The following CCNG2 variants were observed in gnomAD, a reference collection of about 807,000 sequenced individuals.
CCNG2 encodes cyclin-G2.
A neutral mutation model predicts 36.5 loss-of-function variants in CCNG2; 20 were observed. The ratio of observed to expected loss-of-function variants is 0.55; its 90% CI spans 0.39 to 0.80. The LOEUF (loss-of-function observed/expected upper bound fraction) is 0.80, where lower values mean the gene tolerates loss of function less well. Ranked by LOEUF, CCNG2 falls within the 30% of genes least tolerant of loss-of-function variation. The probability of loss-of-function intolerance (pLI) is 0.00; values close to 1 mark genes in which losing one functional copy is unlikely to be tolerated. For missense variants in CCNG2, 358 were observed against 390.8 expected, an observed-to-expected ratio of 0.92 and a Z score of 0.71; for synonymous variants, 155 against 140.1, an observed-to-expected ratio of 1.11 and a Z score of -0.75.
Position 77,169,472 on chromosome 4 carries a change from C to T in CCNG2, c.*3548C>T, listed in dbSNP as rs932591365. ...CCAGTCAGTCTTTCCATCCCTGTGCCTACATGCTGCTCTTCCCGTCCACAA... is the reference window on the plus strand; with the variant it reads ...CCAGTCAGTCTTTCCATCCCTGTGCTTACATGCTGCTCTTCCCGTCCACAA... On this transcript the variant is annotated 3_prime_UTR_variant, in exon 8 of 8. Transcript: ENST00000316355. 1.3e-5 allele frequency: 2 copies of T among 152,236 alleles called. No homozygotes were observed. The highest frequency in any genetic ancestry group is 3.8e-4 in the East Asian group (2 of 5,202). 9.4% of individuals were successfully genotyped at this position (152,236 alleles called of 1,614,324 possible).
At chr4:77,158,924 G>C (rs1014255425) in intron 2 of CCNG2, among the ~76,000 whole-genome samples, 1 of 152,188 alleles carries the variant, frequency 6.6e-6, no homozygotes, top group Non-Finnish European at 1.5e-5. Flanking sequence ...CCATACTCCA[G>C]CCTGCAGCTT....
chr4:77,160,980 G>C lies in CCNG2; in HGVS notation c.527+9G>C. On this transcript the variant is annotated intron_variant, in intron 4 of 7. Coordinates refer to ENST00000316355, the MANE Select transcript of CCNG2 (RefSeq NM_004354.3). Reference sequence around the variant, plus strand: ...TGTCATACTTCAGAAAGGTCAGTGGGATTAAAGATACATTTTGTACTTTGA... The same window carrying C: ...TGTCATACTTCAGAAAGGTCAGTGGCATTAAAGATACATTTTGTACTTTGA... The C allele has an allele frequency of 6.3e-7, 1 of 1,587,318 alleles. No individual in the cohort carries two copies.
At chr4:77,162,717 C>A (rs77407334) in intron 6 of CCNG2, among the ~76,000 whole-genome samples, 2 of 151,862 alleles carry the variant, frequency 1.3e-5, no homozygotes, top group African/African-American at 4.8e-5. Context: ...AGAAATAGGG[C>A]AGACTAGGAG....
chr4:77,164,593 G>A, intron 7 of CCNG2, 114 bp downstream of exon 7: 1 of 701,664 alleles, frequency 1.4e-6, no homozygotes, highest in Non-Finnish European at 2.4e-6. Flanking sequence ...TACACTAAGA[G>A]CTAAGAATTA....
At position 77,158,577 on chromosome 4, in the gene CCNG2, C is replaced by T. The variant is rs769323971; in HGVS notation, c.45C>T (p.Val15=). 1.9e-6 allele frequency: 3 copies of T among 1,614,108 alleles called. No homozygotes were observed. Among genetic ancestry groups the T allele is most frequent in the Non-Finnish European group, 2.5e-6 (3 of 1,180,000 alleles). ...AGCACTTGGCAGGTCATGAAGGGGT[C>T]CAACTTCTCGGGTTGTTGAACGTCT... ...GAEHLAGHEG[V]QLLGLLNVYL... Residue 15 remains valine (V), a synonymous_variant, in exon 2 of 8, where the codon GTC becomes GTT. Transcript: ENST00000316355.
chr4:77,165,033 CTGA>C (rs919601435), intron 7 of CCNG2: 1 of 152,348 alleles, frequency 6.6e-6, no homozygotes, highest in African/African-American at 2.4e-5. Flanking sequence ...ATCACCACCA[CTGA>C]TGGGGAAGAC....
rs996675843 is a variant in CCNG2 at position 77,169,975 on chromosome 4, A to G, written c.*4051A>G. The G allele has an allele frequency of 3.0e-4, 45 of 152,154 alleles. No individual in the cohort carries two copies. Among genetic ancestry groups the G allele is most frequent in the Admixed American group, 2.9e-3 (45 of 15,274 alleles). The allele number at this position is 152,154 out of a possible 1,614,324, so 9.4% of individuals were successfully genotyped here. A position where few individuals can be genotyped will look rare whatever the true frequency, so the allele number is the denominator to read the frequency against. ...TTACAGGTGATGTTTTTTTTAAGTT[A>G]TGCCTATCTGTAGTTTCCTTTTTTT... On this transcript the variant is annotated 3_prime_UTR_variant, in exon 8 of 8. Transcript: ENST00000316355.
chr4:77,158,738 C>T, intron 2 of CCNG2, 68 bp downstream of exon 2: 2 of 1,552,318 alleles, frequency 1.3e-6, no homozygotes, highest in Non-Finnish European at 8.8e-7. Flanking sequence ...CCCCCCCGCC[C>T]CCGTTGAATC....
Position 77,167,133 on chromosome 4 carries a change from C to G in CCNG2, c.*1209C>G, listed in dbSNP as rs916320282. 1 of 152,010 alleles carries G rather than the reference C, an allele frequency of 6.6e-6. No individual in the cohort carries two copies. Among genetic ancestry groups the G allele is most frequent in the Admixed American group, 6.6e-5 (1 of 15,262 alleles). The allele number at this position is 152,010 out of a possible 1,614,324, so 9.4% of individuals were successfully genotyped here. On this transcript the variant is annotated 3_prime_UTR_variant, in exon 8 of 8. Transcript: ENST00000316355. The stretch of plus-strand genomic sequence containing the variant: ...ACATTTTTACTGGTAAGTCAACATC[C>G]GTTGGATGTTTTCTGAAGTGGCTCT...
Position 77,168,400 on chromosome 4 carries a change from C to CTACA in CCNG2, c.*2479_*2482dup, listed in dbSNP as rs1731682877. ...TTACTCCTGGTCTCTGCCTTCCTAT[C>CTACA]TACATATCCTTTTAAAATAAAATTT... is the stretch of plus-strand genomic sequence containing the variant. On this transcript the variant is annotated 3_prime_UTR_variant, in exon 8 of 8. Coordinates refer to ENST00000316355, the MANE Select transcript of CCNG2 (RefSeq NM_004354.3). 1 of 152,182 alleles carries CTACA rather than the reference C, an allele frequency of 6.6e-6. No individual in the cohort carries two copies. Among genetic ancestry groups the CTACA allele is most frequent in the African/African-American group, 2.4e-5 (1 of 41,424 alleles). 9.4% of individuals were successfully genotyped at this position (152,182 alleles called of 1,614,324 possible).
rs1731367992 is a variant in CCNG2, at chr4:77,159,514, C to T, written c.276+10C>T. 5 of 1,607,926 alleles carry T rather than the reference C, an allele frequency of 3.1e-6. No individual in the cohort carries two copies. The East Asian group carries it at 1.1e-4, about 36-fold the overall frequency. ...CTTGGCTCTTATGAAGGTATTTCAT[C>T]ATTTTTATAAATATGTCTTCCTTTT... On this transcript the variant is annotated intron_variant, in intron 3 of 7. Coordinates refer to ENST00000316355, the MANE Select transcript of CCNG2 (RefSeq NM_004354.3).
chr4:77,166,837 T>C lies in CCNG2; in HGVS notation c.*913T>C, dbSNP rs917060582. 2 of 152,190 alleles carry C rather than the reference T, an allele frequency of 1.3e-5. No homozygotes were observed. Among genetic ancestry groups the C allele is most frequent in the Non-Finnish European group, 2.9e-5 (2 of 68,012 alleles). 9.4% of individuals were successfully genotyped at this position (152,190 alleles called of 1,614,324 possible). ...GTGTATTGCTATATGGGTGCCAAGA[T>C]TGAATATGAAGAACCCGAGTGTTTG... On this transcript the variant is annotated 3_prime_UTR_variant, in exon 8 of 8. Coordinates refer to ENST00000316355, the MANE Select transcript of CCNG2 (RefSeq NM_004354.3).
rs1731722604 is a variant in CCNG2 at position 77,169,840 on chromosome 4, AATT to A, written c.*3920_*3922del. The A allele has an allele frequency of 6.6e-6, 1 of 152,178 alleles. No individual in the cohort carries two copies. The highest frequency in any genetic ancestry group is 1.5e-5 in the Non-Finnish European group (1 of 68,044). 9.4% of individuals were successfully genotyped at this position (152,178 alleles called of 1,614,324 possible). A position where few individuals can be genotyped will look rare whatever the true frequency, so the allele number is the denominator to read the frequency against. On this transcript the variant is annotated 3_prime_UTR_variant, in exon 8 of 8. Coordinates refer to ENST00000316355, the MANE Select transcript of CCNG2 (RefSeq NM_004354.3). ...ACCCACAGACTCACTAGAAATAACA[AATT>A]ATTGTTTTAAGCCACGAGGTTTTGG...
At chr4:77,164,722 A>T (rs961732408) in intron 7 of CCNG2, 41 of 372,082 alleles carry the variant, frequency 1.1e-4, no homozygotes, top group African/African-American at 8.4e-4. Flanking sequence ...TTGAGTAGAG[A>T]TAGGGTCTCG....
In CCNG2 at chr4:77,169,427, A is replaced by G. The variant is rs1319530392; in HGVS notation, c.*3503A>G. The G allele has an allele frequency of 1.3e-5, 2 of 152,210 alleles. No homozygotes were observed. Among genetic ancestry groups the G allele is most frequent in the Non-Finnish European group, 2.9e-5 (2 of 68,038 alleles). 9.4% of individuals were successfully genotyped at this position (152,210 alleles called of 1,614,324 possible). On this transcript the variant is annotated 3_prime_UTR_variant, in exon 8 of 8. Transcript: ENST00000316355. ...TTTAGCAAATCAAATTGTGTGATAG[A>G]TAGTTTCCCAGTATGATGGCCAGTC...
Position 77,160,250 on chromosome 4 carries a change from A to G in CCNG2, c.277-471A>G, listed in dbSNP as rs183229232. ...TGGGAGAGATTATATTATGAATTTC[A>G]TAAGTCTGAAATACAAATTATACTT... On this transcript the variant is annotated intron_variant, in intron 3 of 7. Transcript: ENST00000316355. Among the ~76,000 whole-genome samples the G allele has an allele frequency of 5.5e-4, 83 of 152,046 alleles. 1 individual carries two copies. The highest frequency in any genetic ancestry group is 2.9e-3 in the Admixed American group (45 of 15,294).
intron 6 of CCNG2, 123 bp from the exon 7 acceptor site, chr4:77,164,151 G>A (rs1731560094): frequency 3.1e-6 from 2 of 646,486 alleles, no homozygotes; most frequent in South Asian, 1.9e-5. Flanking sequence ...TACCAGGGGT[G>A]GAAGCGGGTA....
chr4:77,167,389 A>G lies in CCNG2; in HGVS notation c.*1465A>G, dbSNP rs1731656418. ...CTGAAAGAGAATCTGTCATTTGACAATTGACCTCTTTGTGGGATGGACTCA... is the reference window on the plus strand; with the variant it reads ...CTGAAAGAGAATCTGTCATTTGACAGTTGACCTCTTTGTGGGATGGACTCA... On this transcript the variant is annotated 3_prime_UTR_variant, in exon 8 of 8. Transcript: ENST00000316355. The G allele has an allele frequency of 6.6e-6, 1 of 152,210 alleles. No individual in the cohort carries two copies. The highest frequency in any genetic ancestry group is 1.5e-5 in the Non-Finnish European group (1 of 68,036). The allele number at this position is 152,210 out of a possible 1,614,324, so 9.4% of individuals were successfully genotyped here.
At chr4:77,158,708 A>C in intron 2 of CCNG2, 38 bp downstream of exon 2, 2 of 1,611,714 alleles carry the variant, frequency 1.2e-6, no homozygotes, top group Non-Finnish European at 1.7e-6. Context: ...CAAGCAGCTG[A>C]TGGGGCTTGG....
Sources: allele counts gnomAD v4.1 joint callset (sites outside exome capture counted in the v4.1 genomes callset), GRCh38; gene constraint gnomAD v4.1.1; transcripts MANE v1.5; gene names NCBI Gene and HGNC (gene_info 2026-07-23, HGNC 2026-07-21).